Variants in TRAF5 observed in about 807,000 individuals in gnomAD.
The protein encoded by TRAF5 is TNF receptor-associated factor 5.
Under a neutral mutation model 64.5 loss-of-function variants are expected in TRAF5, and 48 were observed. The ratio of observed to expected loss-of-function variants is 0.74; its 90% confidence interval spans 0.59 to 0.95. The LOEUF (loss-of-function observed/expected upper bound fraction) is 0.95. Ranked by LOEUF, TRAF5 falls within the 40% of genes least tolerant of loss-of-function variation. The pLI, the probability that TRAF5 is intolerant of heterozygous loss-of-function variation, is 0.00. For missense variants in TRAF5, 545 were observed against 662.8 expected (o/e 0.82, Z 1.95); for synonymous variants, 206 against 240.5 (o/e 0.86, Z 1.33).
intron 1 of TRAF5, among the ~76,000 whole-genome samples, chr1:211,332,063 AG>A (rs1702170390): frequency 6.6e-6 from 1 of 152,100 alleles, no homozygotes; most frequent in Non-Finnish European, 1.5e-5. Context: ...GGGCTGGGAC[AG>A]GGTATGGTGG....
chr1:211,326,841 C>A lies in TRAF5; in HGVS notation c.-50C>A. ...CGCCGCCGGCCGCAGCCAGGAGCAG[C>A]AGCCGCGCCTGCAGACCGGCCTCGC... On this transcript the variant is annotated 5_prime_UTR_variant, in exon 1 of 11. Transcript: ENST00000261464. This position sits in a 1 kb window ranked among gnomAD's most constrained non-coding sequence, Gnocchi z 5.0. 1.0e-6 allele frequency: 1 copy of A among 984,700 alleles called. No individual in the cohort carries two copies. Among genetic ancestry groups the A allele is most frequent in the Non-Finnish European group, 1.2e-6 (1 of 829,528 alleles). 61.0% of individuals were successfully genotyped at this position (984,700 alleles called of 1,614,324 possible).
intron 1 of TRAF5, among the ~76,000 whole-genome samples, chr1:211,343,859 C>T (rs77546881): frequency 3.3e-5 from 5 of 152,158 alleles, no homozygotes; most frequent in Non-Finnish European, 5.9e-5. Context: ...AATGGGAGCT[C>T]GAGGAACTGT....
chr1:211,357,265 T>A (rs976543068), intron 4 of TRAF5: 2 of 152,236 alleles, frequency 1.3e-5, no homozygotes, highest in African/African-American at 4.8e-5. Context: ...ATATTTCAGA[T>A]GATTCAGTCT....
rs1703587651 is a variant in TRAF5, at chr1:211,372,966, T to C, written c.*264T>C. 6.6e-6 allele frequency: 2 copies of C among 303,412 alleles called. No homozygotes were observed. 18.8% of individuals were successfully genotyped at this position (303,412 alleles called of 1,614,324 possible). On this transcript the variant is annotated 3_prime_UTR_variant, in exon 11 of 11. Transcript: ENST00000261464. ...AAAGATGGTAAGTTTCTTGAAGTTT[T>C]TGGGGCGTTTCTCTTTTACTGGTGC... is the stretch of plus-strand genomic sequence containing the variant.
chr1:211,331,269 C>G (rs1001197920), intron 1 of TRAF5, among the ~76,000 whole-genome samples: 5 of 152,182 alleles, frequency 3.3e-5, no homozygotes, highest in Non-Finnish European at 7.3e-5. Flanking sequence ...TAATACATAG[C>G]CTAGTCAAAA....
At chr1:211,344,993 C>T (rs1380663248) in intron 1 of TRAF5, among the ~76,000 whole-genome samples, 1 of 152,226 alleles carries the variant, frequency 6.6e-6, no homozygotes, top group Admixed American at 6.5e-5. Flanking sequence ...GGTACAATCT[C>T]GGCTCACCGC....
intron 3 of TRAF5, among the ~76,000 whole-genome samples, chr1:211,354,891 A>C (rs1702911525): frequency 6.6e-6 from 1 of 151,982 alleles, no homozygotes; most frequent in South Asian, 2.1e-4. Context: ...TTTATTGTTG[A>C]ATTATAAGAG....
Position 211,370,708 on chromosome 1 carries a change from A to G in TRAF5, c.931-594A>G, listed in dbSNP as rs141763506. Among the ~76,000 whole-genome samples the G allele has an allele frequency of 4.1e-4, 62 of 152,354 alleles. No individual in the cohort carries two copies. The East Asian group carries it at 0.011, about 28-fold the overall frequency. ...TAATAAAGTATTGAATTCCACATGT[A>G]ATTTATCAAATACTGAAAGTGAAAA... is the stretch of plus-strand genomic sequence containing the variant. On this transcript the variant is annotated intron_variant, in intron 9 of 10. Coordinates refer to ENST00000261464, the MANE Select transcript of TRAF5 (RefSeq NM_001033910.3).
Position 211,372,553 on chromosome 1 carries a change from A to T in TRAF5, c.1525A>T (p.Lys509Ter), listed in dbSNP as rs1234135333. The change falls in exon 11 of 11, where the codon AAA becomes TAA. Residue 509 changes from lysine to a stop codon, truncating the protein, a stop_gained. Transcript: ENST00000261464. LOFTEE classifies it high-confidence loss of function. ...FKPDPNSSSF[K>*]RPDGEMNIAS... ...ACCTGACCCCAATAGCAGCAGCTTT[A>T]AAAGACCTGATGGGGAGATGAACAT... 1 of 1,614,218 alleles carries T rather than the reference A, an allele frequency of 6.2e-7. No homozygotes were observed. The highest frequency in any genetic ancestry group is 2.2e-5 in the East Asian group (1 of 44,884).
rs1487664772 is a variant in TRAF5 at position 211,359,997 on chromosome 1, A to G, written c.464A>G (p.Glu155Gly). The change falls in exon 5 of 11, where the codon GAG becomes GGG. Residue 155 changes from glutamate to glycine, a missense_variant. Physicochemically the swap from Glu to Gly is moderately conservative, Grantham distance 98. Coordinates refer to ENST00000261464, the MANE Select transcript of TRAF5 (RefSeq NM_001033910.3). The stretch of plus-strand genomic sequence containing the variant: ...CCAGTCCTACGGAAAGACCTGAAAG[A>G]GCATTTGAGTGCATCCTGTCAGTTT... ...REPVLRKDLKEHLSASCQFRK... is the reference protein window; with the variant it reads ...REPVLRKDLKGHLSASCQFRK... The G allele has an allele frequency of 8.7e-6, 14 of 1,613,998 alleles. No individual in the cohort carries two copies. Among genetic ancestry groups the G allele is most frequent in the Non-Finnish European group, 1.2e-5 (14 of 1,179,976 alleles).
At chr1:211,371,050 G>T (rs1013311405) in intron 9 of TRAF5, among the ~76,000 whole-genome samples, 1 of 152,146 alleles carries the variant, frequency 6.6e-6, no homozygotes, top group Non-Finnish European at 1.5e-5. Flanking sequence ...GAAACAGAGG[G>T]AGGATAAAAA....
At chr1:211,350,825 C>T (rs909648440) in intron 1 of TRAF5, among the ~76,000 whole-genome samples, 13 of 152,052 alleles carry the variant, frequency 8.5e-5, no homozygotes, top group East Asian at 3.9e-4. Flanking sequence ...GTCCCTCTTC[C>T]GGGCTGCAGA....
At chr1:211,332,370 C>G (rs572066066) in intron 1 of TRAF5, among the ~76,000 whole-genome samples, 2 of 152,310 alleles carry the variant, frequency 1.3e-5, no homozygotes, top group South Asian at 2.1e-4. Flanking sequence ...AAGCCACCAC[C>G]CAGAGCCCTT....
intron 8 of TRAF5, among the ~76,000 whole-genome samples, chr1:211,365,844 G>A (rs1005936475): frequency 6.6e-6 from 1 of 152,164 alleles, no homozygotes; most frequent in Non-Finnish European, 1.5e-5. Context: ...GTTAATATCT[G>A]ACACTTAGCA....
intron 7 of TRAF5, among the ~76,000 whole-genome samples, chr1:211,364,615 G>T (rs1225879987): frequency 2.6e-5 from 4 of 152,118 alleles, no homozygotes; most frequent in Non-Finnish European, 5.9e-5. Flanking sequence ...GAACCCAGGA[G>T]GTGGAGGTTG....
intron 7 of TRAF5, 133 bp from the exon 8 acceptor site, chr1:211,365,243 T>A: frequency 1.5e-6 from 1 of 662,258 alleles, no homozygotes; most frequent in Non-Finnish European, 2.5e-6. Flanking sequence ...GCAACCCACC[T>A]AGAGACTGGT....
chr1:211,353,440 C>G lies in TRAF5; in HGVS notation c.201C>G (p.His67Gln). Reference sequence around the variant, plus strand: ...GATGTGGGCACCGCTTCTGCCAGCACTGCATCCTGTCCCTGAGGTGAGTGG... The same window carrying G: ...GATGTGGGCACCGCTTCTGCCAGCAGTGCATCCTGTCCCTGAGGTGAGTGG... The part of the protein sequence containing the change: ...QTGCGHRFCQ[H>Q]CILSLRELNT... The change falls in exon 2 of 11, where the codon CAC becomes CAG. Residue 67 changes from histidine (H) to glutamine (Q), a missense_variant. Physicochemically the swap from His to Gln is conservative, Grantham distance 24. Transcript: ENST00000261464. 1 of 1,613,436 alleles carries G rather than the reference C, an allele frequency of 6.2e-7. No individual in the cohort carries two copies. Among genetic ancestry groups the G allele is most frequent in the South Asian group, 1.1e-5 (1 of 91,024 alleles).
At chr1:211,341,545 G>T (rs1702447989) in intron 1 of TRAF5, among the ~76,000 whole-genome samples, 1 of 152,206 alleles carries the variant, frequency 6.6e-6, no homozygotes, top group East Asian at 1.9e-4. Context: ...ATAAGCTTGG[G>T]AGGGCCAGGG....
At chr1:211,344,357 C>T (rs878956438) in intron 1 of TRAF5, among the ~76,000 whole-genome samples, 1 of 152,160 alleles carries the variant, frequency 6.6e-6, no homozygotes, top group Admixed American at 6.5e-5. Flanking sequence ...GTCCTGTTCC[C>T]AAGACAACTT....
Sources: allele counts gnomAD v4.1 joint callset (sites outside exome capture counted in the v4.1 genomes callset), GRCh38; gene constraint gnomAD v4.1.1; non-coding constraint Gnocchi (gnomAD v3.1); transcripts MANE v1.5; gene names NCBI Gene and HGNC (gene_info 2026-07-23, HGNC 2026-07-21).